Variants in HS6ST3 observed in about 807,000 individuals in gnomAD.
HS6ST3 encodes heparan sulfate 6-O-sulfotransferase 3.
A neutral mutation model predicts 36.7 loss-of-function variants in HS6ST3; 12 were observed. That is an observed-to-expected ratio of 0.33 (90% confidence interval 0.21 to 0.53). The LOEUF is 0.53. Ranked by LOEUF, HS6ST3 falls within the 20% of genes least tolerant of loss-of-function variation. HS6ST3 has a pLI of 0.95. For synonymous variants in HS6ST3, 240 were observed against 257.5 expected (o/e 0.93, Z 0.65); for missense variants, 584 against 640.9 (o/e 0.91, Z 0.96).
rs2053753416 is a variant in HS6ST3 at position 96,090,230 on chromosome 13, C to A, written c.-633C>A. Among the ~76,000 whole-genome samples, 1 of 151,126 alleles carries A rather than the reference C, an allele frequency of 6.6e-6. No homozygotes were observed. Among genetic ancestry groups the A allele is most frequent in the African/African-American group, 2.4e-5 (1 of 41,364 alleles). ...CGGGAGAGGCGTCTCCGCAGAGGCG[C>A]CTCGCCCGCTGCCGCTGCGCTGCGG... is the stretch of plus-strand genomic sequence containing the variant. On this transcript the variant is annotated 5_prime_UTR_variant, in exon 1 of 2. Coordinates refer to ENST00000376705, the MANE Select transcript of HS6ST3 (RefSeq NM_153456.4).
chr13:96,180,095 A>C (rs565308973), intron 1 of HS6ST3, among the ~76,000 whole-genome samples: 1 of 152,264 alleles, frequency 6.6e-6, no homozygotes. Context: ...TCAGCCTCCC[A>C]AAGTGTTGGG....
intron 1 of HS6ST3, among the ~76,000 whole-genome samples, chr13:96,684,283 G>C (rs1278309705): frequency 6.6e-6 from 1 of 151,990 alleles, no homozygotes; most frequent in Non-Finnish European, 1.5e-5. Context: ...TGTTCCAAAA[G>C]TTGGTCTGTT....
intron 1 of HS6ST3, among the ~76,000 whole-genome samples, chr13:96,677,407 G>T (rs1347128881): frequency 6.6e-6 from 1 of 152,066 alleles, no homozygotes; most frequent in Non-Finnish European, 1.5e-5. Context: ...CTGTTAATAG[G>T]ATATGAGTAG....
chr13:96,557,015 C>T (rs2056243605), intron 1 of HS6ST3, among the ~76,000 whole-genome samples: 1 of 152,086 alleles, frequency 6.6e-6, no homozygotes, highest in Non-Finnish European at 1.5e-5. Context: ...TTTTTTGAAA[C>T]ACTTAATCCA....
At chr13:96,304,711 CTTTTT>C (rs61314597) in intron 1 of HS6ST3, among the ~76,000 whole-genome samples, 75 of 89,220 alleles carry the variant, frequency 8.4e-4, no homozygotes, top group Admixed American at 1.0e-3. Flanking sequence ...TTCTTTCTTT[CTTTTT>C]TTTTTTTTTT....
At chr13:96,143,175 C>T (rs999220151) in intron 1 of HS6ST3, among the ~76,000 whole-genome samples, 1 of 151,846 alleles carries the variant, frequency 6.6e-6, no homozygotes, top group Non-Finnish European at 1.5e-5. Flanking sequence ...CCATCAAATG[C>T]CTCACTATCA....
At chr13:96,726,893 C>T (rs1377850772) in intron 1 of HS6ST3, among the ~76,000 whole-genome samples, 1 of 152,060 alleles carries the variant, frequency 6.6e-6, no homozygotes, top group Non-Finnish European at 1.5e-5. Context: ...AATTCATATG[C>T]TTGTGCTGCT....
chr13:96,246,387 G>A (rs1345372140), intron 1 of HS6ST3, among the ~76,000 whole-genome samples: 1 of 152,136 alleles, frequency 6.6e-6, no homozygotes, highest in Non-Finnish European at 1.5e-5. Flanking sequence ...GATGCTAATA[G>A]GTTGAAACAT....
At chr13:96,508,918 T>C (rs1275385814) in intron 1 of HS6ST3, among the ~76,000 whole-genome samples, 1 of 151,982 alleles carries the variant, frequency 6.6e-6, no homozygotes, top group Non-Finnish European at 1.5e-5. Flanking sequence ...GATCAAATGG[T>C]AGATCTCCAT....
intron 1 of HS6ST3, among the ~76,000 whole-genome samples, chr13:96,640,779 A>G (rs956725287): frequency 1.3e-4 from 20 of 152,050 alleles, no homozygotes; most frequent in Non-Finnish European, 2.5e-4. Context: ...GCATATAGCT[A>G]GCCAGTTATC....
intron 1 of HS6ST3, among the ~76,000 whole-genome samples, chr13:96,366,909 T>G (rs1925105): frequency 0.84 from 127,691 of 152,124 alleles, 54,030 homozygotes; most frequent in South Asian, 0.91. Flanking sequence ...ATAAAGGGGA[T>G]TTCCCCTGCA....
intron 1 of HS6ST3, among the ~76,000 whole-genome samples, chr13:96,817,003 C>A (rs1213143664): frequency 4.6e-5 from 7 of 152,226 alleles, no homozygotes; most frequent in African/African-American, 1.7e-4. Flanking sequence ...AAAATTAAAA[C>A]GCCCTCTTGA....
At chr13:96,469,845 A>G (rs1248676014) in intron 1 of HS6ST3, among the ~76,000 whole-genome samples, 1 of 152,188 alleles carries the variant, frequency 6.6e-6, no homozygotes, top group Non-Finnish European at 1.5e-5. Flanking sequence ...GGGTCTGGGA[A>G]ACGTGACTGG....
At chr13:96,241,491 G>T (rs1380682560) in intron 1 of HS6ST3, among the ~76,000 whole-genome samples, 1 of 151,560 alleles carries the variant, frequency 6.6e-6, no homozygotes, top group Non-Finnish European at 1.5e-5. Context: ...ATATATATTT[G>T]TCAAAATACA....
In HS6ST3 at chr13:96,591,579, A is replaced by G. The variant is rs1047410874; in HGVS notation, c.708-240911A>G. On this transcript the variant is annotated intron_variant, in intron 1 of 1. Coordinates refer to ENST00000376705, the MANE Select transcript of HS6ST3 (RefSeq NM_153456.4). Reference sequence around the variant, plus strand: ...GCAACTTTACTGAATTTGTTTATCAATTCTATCAGTTTTTTAGTTAAATCT... The same window carrying G: ...GCAACTTTACTGAATTTGTTTATCAGTTCTATCAGTTTTTTAGTTAAATCT... Among the ~76,000 whole-genome samples the G allele has an allele frequency of 3.3e-5, 5 of 152,062 alleles. No homozygotes were observed. The East Asian group carries it at 7.7e-4, about 23-fold the overall frequency.
At chr13:96,710,558 G>A (rs923651791) in intron 1 of HS6ST3, among the ~76,000 whole-genome samples, 4 of 152,238 alleles carry the variant, frequency 2.6e-5, no homozygotes, top group African/African-American at 4.8e-5. Context: ...CATTCTTTTC[G>A]TTATTCAATA....
chr13:96,361,371 T>C (rs1206747087), intron 1 of HS6ST3, among the ~76,000 whole-genome samples: 2 of 152,210 alleles, frequency 1.3e-5, no homozygotes, highest in African/African-American at 4.8e-5. Context: ...TTTTATCTTA[T>C]TCTGAATAAT....
At chr13:96,447,440 G>C (rs732104) in intron 1 of HS6ST3, among the ~76,000 whole-genome samples, 104,072 of 152,112 alleles carry the variant, frequency 0.68, 37,399 homozygotes, top group African/African-American at 0.91. Context: ...AAGGGGTCCT[G>C]GGGAAGTTTT....
At chr13:96,696,955 A>C (rs902330063) in intron 1 of HS6ST3, among the ~76,000 whole-genome samples, 2 of 152,202 alleles carry the variant, frequency 1.3e-5, no homozygotes, top group Non-Finnish European at 2.9e-5. Flanking sequence ...ATGGGCAATC[A>C]GAATCTTCAG....
Sources: gnomAD v4.1 joint callset for allele counts (sites outside exome capture counted in the v4.1 genomes callset) on GRCh38, gnomAD v4.1.1 for gene constraint, MANE v1.5 for transcripts, NCBI Gene and HGNC (gene_info 2026-07-23, HGNC 2026-07-21) for gene names.